The following NTNG1 variants were observed in gnomAD, a reference collection of about 807,000 sequenced individuals.
NTNG1 encodes netrin-G1.
NTNG1 carries 16 observed loss-of-function variants against 54.0 expected under a neutral mutation model. The ratio of observed to expected loss-of-function variants is 0.30; its 90% CI spans 0.20 to 0.45. The LOEUF (loss-of-function observed/expected upper bound fraction) is 0.45. Ranked by LOEUF, NTNG1 falls within the 20% of genes least tolerant of loss-of-function variation. The pLI is 1.00. For missense variants in NTNG1, 530 were observed against 678.7 expected (o/e 0.78, Z 2.43); for synonymous variants, 255 against 263.1 (o/e 0.97, Z 0.30).
At chr1:107,459,653 C>T (rs1276517377) in intron 7 of NTNG1, among the ~76,000 whole-genome samples, 5 of 152,178 alleles carry the variant, frequency 3.3e-5, no homozygotes, top group African/African-American at 1.2e-4. Context: ...AGCAGCATCA[C>T]CACTGATTTC....
At chr1:107,300,575 A>C (rs1254417189) in intron 2 of NTNG1, among the ~76,000 whole-genome samples, 1 of 152,196 alleles carries the variant, frequency 6.6e-6, no homozygotes. Flanking sequence ...ATACGCTTTG[A>C]CAGTTGCAAG....
chr1:107,424,445 G>A (rs527351334), intron 5 of NTNG1, among the ~76,000 whole-genome samples: 27 of 152,244 alleles, frequency 1.8e-4, no homozygotes, highest in African/African-American at 6.3e-4. Context: ...AGAATGATGA[G>A]CAGAGGCATG....
chr1:107,233,458 A>C (rs1661198629), intron 2 of NTNG1, among the ~76,000 whole-genome samples: 1 of 152,230 alleles, frequency 6.6e-6, no homozygotes, highest in Admixed American at 6.5e-5. Context: ...AAGAAATGCA[A>C]TGTGTACAAT....
At chr1:107,423,344 A>G (rs142161829) in intron 5 of NTNG1, among the ~76,000 whole-genome samples, 110 of 152,158 alleles carry the variant, frequency 7.2e-4, no homozygotes, top group African/African-American at 2.4e-3. Flanking sequence ...GGGGGTTGCT[A>G]CCACATCTAG....
chr1:107,158,845 T>C (rs1408869947), intron 2 of NTNG1, among the ~76,000 whole-genome samples: 1 of 152,168 alleles, frequency 6.6e-6, no homozygotes, highest in Non-Finnish European at 1.5e-5. Flanking sequence ...GAAAAAGAAT[T>C]CTATATTTCA....
chr1:107,330,107 A>G (rs1163820604), intron 3 of NTNG1, among the ~76,000 whole-genome samples: 1 of 152,100 alleles, frequency 6.6e-6, no homozygotes, highest in Non-Finnish European at 1.5e-5. Context: ...CAGACAAATT[A>G]TACCTAAAAA....
At chr1:107,459,623 T>A (rs184883735) in intron 7 of NTNG1, among the ~76,000 whole-genome samples, 1 of 152,344 alleles carries the variant, frequency 6.6e-6, no homozygotes, top group East Asian at 1.9e-4. Flanking sequence ...AATGATTCTT[T>A]ACAGGTTGGG....
chr1:107,245,838 C>G (rs1223047763), intron 2 of NTNG1, among the ~76,000 whole-genome samples: 1 of 152,012 alleles, frequency 6.6e-6, no homozygotes, highest in Non-Finnish European at 1.5e-5. Context: ...GAAGTAATAC[C>G]TATCCCAAAA....
chr1:107,338,580 TTA>T (rs375378698), intron 3 of NTNG1, among the ~76,000 whole-genome samples: 104 of 152,044 alleles, frequency 6.8e-4, no homozygotes, highest in African/African-American at 2.2e-3. Context: ...GCCAGGAAAT[TTA>T]TCCTCTTCCA....
At chr1:107,480,143 A>G (rs1282576143) in intron 7 of NTNG1, among the ~76,000 whole-genome samples, 1 of 151,842 alleles carries the variant, frequency 6.6e-6, no homozygotes, top group African/African-American at 2.4e-5. Flanking sequence ...GGAATCACGC[A>G]CCGAGAGAAT....
At chr1:107,182,337 A>G (rs1657134165) in intron 2 of NTNG1, among the ~76,000 whole-genome samples, 3 of 152,160 alleles carry the variant, frequency 2.0e-5, no homozygotes, top group Admixed American at 2.0e-4. Context: ...TGATACTGCC[A>G]GTAATAAATT....
At chr1:107,274,717 G>C (rs919600629) in intron 2 of NTNG1, among the ~76,000 whole-genome samples, 1 of 152,208 alleles carries the variant, frequency 6.6e-6, no homozygotes, top group Admixed American at 6.5e-5. Flanking sequence ...AGACAAGTTA[G>C]CTCCCACTAC....
At chr1:107,304,743 A>T (rs371795017) in intron 2 of NTNG1, among the ~76,000 whole-genome samples, 5,937 of 148,014 alleles carry the variant, frequency 0.04, 134 homozygotes, top group Non-Finnish European at 0.046. Context: ...TTTTTTTTTT[A>T]AATTATACTT....
chr1:107,403,744 C>T (rs1199853125), intron 4 of NTNG1: 3 of 153,662 alleles, frequency 2.0e-5, no homozygotes, highest in Non-Finnish European at 4.4e-5. Context: ...TGCTTCATTT[C>T]CTCTGCACAA....
intron 7 of NTNG1, among the ~76,000 whole-genome samples, chr1:107,452,101 G>A (rs1336326480): frequency 2.6e-5 from 4 of 152,106 alleles, no homozygotes; most frequent in African/African-American, 9.7e-5. Flanking sequence ...CACCTCATTG[G>A]GGTTGTTATG....
intron 7 of NTNG1, among the ~76,000 whole-genome samples, chr1:107,442,240 C>T (rs1020092617): frequency 1.3e-5 from 2 of 152,024 alleles, no homozygotes; most frequent in Non-Finnish European, 2.9e-5. Context: ...GGAGCAAACA[C>T]TATTAAAAAT....
At chr1:107,246,144 T>C (rs1456799814) in intron 2 of NTNG1, among the ~76,000 whole-genome samples, 5 of 152,096 alleles carry the variant, frequency 3.3e-5, no homozygotes, top group Non-Finnish European at 5.9e-5. Context: ...CTCCGCCTCC[T>C]GGGTTCATGC....
intron 2 of NTNG1, among the ~76,000 whole-genome samples, chr1:107,297,248 C>CATATATATATATAT (rs1557878514): frequency 0.042 from 2,652 of 63,216 alleles, 129 homozygotes; most frequent in Middle Eastern, 0.048. Flanking sequence ...TATATATATG[C>CATATATATATATAT]GCACACACAC....
chr1:107,476,723 C>G lies in NTNG1; in HGVS notation c.1391-3888C>G, dbSNP rs139494404. Among the ~76,000 whole-genome samples, 275 of 152,200 alleles carry G rather than the reference C, an allele frequency of 1.8e-3. 3 individuals are homozygous for G. Among genetic ancestry groups the G allele is most frequent in the African/African-American group, 6.3e-3 (260 of 41,530 alleles). On this transcript the variant is annotated intron_variant, in intron 7 of 7. Coordinates refer to ENST00000370068, the MANE Select transcript of NTNG1 (RefSeq NM_001113226.3). ...ACCTCCAGTCTGCCGTTTTTCTGGT[C>G]TAGATTCACCTTCCTCTTCTCCTTT...
Sources: gnomAD v4.1 joint callset for allele counts (sites outside exome capture counted in the v4.1 genomes callset) on GRCh38, gnomAD v4.1.1 for gene constraint, MANE v1.5 for transcripts, NCBI Gene and HGNC (gene_info 2026-07-23, HGNC 2026-07-21) for gene names.